Variants in BTBD10 observed in about 807,000 individuals in gnomAD.
The protein encoded by BTBD10 is BTB/POZ domain-containing protein 10.
A neutral mutation model predicts 53.2 loss-of-function variants in BTBD10; 21 were observed. The ratio of observed to expected loss-of-function variants is 0.39; its 90% confidence interval spans 0.28 to 0.57. The LOEUF (loss-of-function observed/expected upper bound fraction) is 0.57, where lower values mean the gene tolerates loss of function less well. Among genes scored for constraint, BTBD10 ranks in the 20% least tolerant of loss-of-function variants. The pLI is 0.53. For synonymous variants in BTBD10, 149 were observed against 192.7 expected (o/e 0.77, Z 1.88); for missense variants, 360 against 594.7 (o/e 0.61, Z 4.10).
At chr11:13,392,840 T>G (rs576906255) in intron 8 of BTBD10, among the ~76,000 whole-genome samples, 1 of 152,328 alleles carries the variant, frequency 6.6e-6, no homozygotes, top group Non-Finnish European at 1.5e-5. Flanking sequence ...TGTCTTAAAC[T>G]TCAGGTTCTG....
chr11:13,428,599 A>G (rs1950390963), intron 2 of BTBD10, among the ~76,000 whole-genome samples: 1 of 152,194 alleles, frequency 6.6e-6, no homozygotes, highest in Non-Finnish European at 1.5e-5. Flanking sequence ...ACAAGAAAAT[A>G]AAACCACAAA....
At position 13,419,723 on chromosome 11, in the gene BTBD10, G is replaced by C. The variant is rs746242041; in HGVS notation, c.321C>G (p.Ser107=). The stretch of plus-strand genomic sequence containing the variant: ...GAGGACGCGGACTGCTTGGACGAGA[G>C]GAACTGTGATCTTTTTCTCGTTCTG... ...HHVEREKDHS[S]SRPSSPRPQK... The change falls in exon 4 of 9, where the codon TCC becomes TCG. Residue 107 remains serine (S), a synonymous_variant. Transcript: ENST00000278174. 12 of 1,589,986 alleles carry C rather than the reference G, an allele frequency of 7.5e-6. No individual in the cohort carries two copies. The highest frequency in any genetic ancestry group is 9.4e-6 in the Non-Finnish European group (11 of 1,169,838).
At chr11:13,415,836 G>C (rs1950093841) in intron 5 of BTBD10, among the ~76,000 whole-genome samples, 1 of 151,414 alleles carries the variant, frequency 6.6e-6, no homozygotes, top group Non-Finnish European at 1.5e-5. Context: ...ATATTCTTTT[G>C]GTAGAGATGG....
At chr11:13,411,875 A>G (rs1949956733) in intron 6 of BTBD10, among the ~76,000 whole-genome samples, 1 of 149,932 alleles carries the variant, frequency 6.7e-6, no homozygotes. Flanking sequence ...CTTGTTGCCC[A>G]TGCTGGAGTG....
intron 1 of BTBD10, among the ~76,000 whole-genome samples, chr11:13,460,946 C>CT (rs1255057629): frequency 6.6e-6 from 1 of 152,214 alleles, no homozygotes; most frequent in African/African-American, 2.4e-5. Context: ...GCTCAGAACT[C>CT]TGAGTTTTTA....
intron 1 of BTBD10, among the ~76,000 whole-genome samples, chr11:13,458,711 C>T (rs1423751663): frequency 6.6e-6 from 1 of 152,222 alleles, no homozygotes; most frequent in Non-Finnish European, 1.5e-5. Flanking sequence ...AAAAGAGAAA[C>T]TCCAACAATT....
At position 13,421,926 on chromosome 11, in the gene BTBD10, A is replaced by C. The variant is rs1391181243; in HGVS notation, c.102-88T>G. On this transcript the variant is annotated intron_variant, in intron 2 of 8. Transcript: ENST00000278174. ...AGAAACACCCAAGTAACAAAAAACT[A>C]GTATCTTGAAGTGCAAAAATCAAAT... 5.1e-6 allele frequency: 5 copies of C among 973,502 alleles called. No homozygotes were observed. The Admixed American group carries it at 9.8e-5, about 19-fold the overall frequency. 60.3% of individuals were successfully genotyped at this position (973,502 alleles called of 1,614,324 possible).
intron 4 of BTBD10, 115 bp downstream of exon 4, chr11:13,419,345 T>C (rs1950194297): frequency 7.4e-7 from 1 of 1,345,686 alleles, no homozygotes; most frequent in African/African-American, 1.5e-5. Flanking sequence ...TTCTTTCATC[T>C]GTAAAACAGA....
intron 6 of BTBD10, among the ~76,000 whole-genome samples, chr11:13,412,763 A>G (rs1313746186): frequency 6.6e-6 from 1 of 152,170 alleles, no homozygotes; most frequent in Non-Finnish European, 1.5e-5. Context: ...TTAGCCCACA[A>G]TGACTTCCCC....
chr11:13,461,930 CTTT>C (rs564388278), intron 1 of BTBD10, among the ~76,000 whole-genome samples: 5 of 135,984 alleles, frequency 3.7e-5, no homozygotes, highest in Admixed American at 7.4e-5. Context: ...TCTTCTCACA[CTTT>C]TTTTTTTTTT....
chr11:13,436,790 G>GC (rs1565261537), intron 2 of BTBD10, among the ~76,000 whole-genome samples: 1 of 151,200 alleles, frequency 6.6e-6, no homozygotes. Flanking sequence ...AGATTTCTCT[G>GC]TTTTTTTTTG....
chr11:13,452,408 AACTG>A (rs1443473398), intron 1 of BTBD10, among the ~76,000 whole-genome samples: 2 of 152,220 alleles, frequency 1.3e-5, no homozygotes, highest in East Asian at 3.8e-4. Flanking sequence ...CTTTTATCAA[AACTG>A]ACAGAACTGT....
chr11:13,423,038 C>T (rs533070640), intron 2 of BTBD10, among the ~76,000 whole-genome samples: 17 of 152,120 alleles, frequency 1.1e-4, no homozygotes, highest in Admixed American at 2.6e-4. Context: ...ATAATAAATG[C>T]TTTAGGATTT....
intron 8 of BTBD10, among the ~76,000 whole-genome samples, chr11:13,391,954 A>G (rs536166083): frequency 5.3e-5 from 8 of 152,180 alleles, no homozygotes; most frequent in Non-Finnish European, 1.2e-4. Flanking sequence ...TAGATGGATA[A>G]ATAGATAGAC....
intron 8 of BTBD10, among the ~76,000 whole-genome samples, chr11:13,390,684 G>C (rs1449015074): frequency 6.6e-6 from 1 of 152,186 alleles, no homozygotes; most frequent in Non-Finnish European, 1.5e-5. Context: ...GCAATGAGCT[G>C]ATTTTGGCCC....
chr11:13,398,077 G>A (rs1381368630), intron 8 of BTBD10, among the ~76,000 whole-genome samples: 1 of 152,198 alleles, frequency 6.6e-6, no homozygotes, highest in Non-Finnish European at 1.5e-5. Context: ...GCAGAGCTGA[G>A]TTCAATTCCT....
At chr11:13,451,269 T>C (rs2134048071) in intron 1 of BTBD10, among the ~76,000 whole-genome samples, 1 of 152,314 alleles carries the variant, frequency 6.6e-6, no homozygotes, top group Non-Finnish European at 1.5e-5. Context: ...ATGATTTTGA[T>C]GCTTTCTAAG....
intron 8 of BTBD10, among the ~76,000 whole-genome samples, chr11:13,400,964 T>C (rs1406336557): frequency 1.3e-5 from 2 of 152,178 alleles, no homozygotes; most frequent in Non-Finnish European, 2.9e-5. Flanking sequence ...CCAGATTGAA[T>C]GTTGGTTTAG....
intron 2 of BTBD10, chr11:13,440,191 C>G: frequency 7.0e-7 from 1 of 1,420,386 alleles, no homozygotes; most frequent in Non-Finnish European, 9.2e-7. Context: ...ACAACCCCCT[C>G]TACATATTAA....
Sources: gnomAD v4.1 joint callset for allele counts (sites outside exome capture counted in the v4.1 genomes callset) on GRCh38, gnomAD v4.1.1 for gene constraint, MANE v1.5 for transcripts, NCBI Gene and HGNC (gene_info 2026-07-23, HGNC 2026-07-21) for gene names.